The following GOLM2 variants were observed in gnomAD, a reference collection of about 807,000 sequenced individuals.
GOLM2 encodes the protein golgi membrane protein 2.
Under a neutral mutation model 55.9 loss-of-function variants are expected in GOLM2, and 26 were observed. That is an observed-to-expected ratio of 0.47 (90% CI 0.34 to 0.65). The LOEUF is 0.65. Among genes scored for constraint, GOLM2 ranks in the 30% least tolerant of loss-of-function variants. GOLM2 has a pLI of 0.01. For missense variants in GOLM2, 486 were observed against 531.8 expected (o/e 0.91, Z 0.85); for synonymous variants, 165 against 194.6 (o/e 0.85, Z 1.27).
chr15:44,360,527 G>A (rs1196213949), intron 6 of GOLM2, among the ~76,000 whole-genome samples: 19 of 152,084 alleles, frequency 1.2e-4, no homozygotes, highest in South Asian at 2.1e-4. Context: ...TATGCACCCA[G>A]TACAGGAGCA....
Position 44,331,992 on chromosome 15 carries a change from C to T in GOLM2, c.490C>T (p.Gln164Ter), listed in dbSNP as rs2079025149. The T allele has an allele frequency of 1.3e-6, 2 of 1,597,908 alleles. No homozygotes were observed. The highest frequency in any genetic ancestry group is 1.7e-6 in the Non-Finnish European group (2 of 1,168,548). Residue 164 changes from glutamine (Q) to a stop codon, truncating the protein, a stop_gained, in exon 4 of 10, where the codon CAG (glutamine) becomes TAG (stop). Coordinates refer to ENST00000299957, the MANE Select transcript of GOLM2 (RefSeq NM_138423.4). LOFTEE classifies it high-confidence loss of function. Reference protein sequence around the residue: ...LVKRLEYESFQCGQQMKELRA... With the variant: ...LVKRLEYESF ...AAGAATGACTTTGTAATTTAGTTTT[C>T]AGTGTGGACAGCAGATGAAGGAATT...
chr15:44,305,513 C>T (rs932545259), intron 1 of GOLM2, among the ~76,000 whole-genome samples: 8 of 151,960 alleles, frequency 5.3e-5, no homozygotes, highest in African/African-American at 1.9e-4. Context: ...TGCCCAGGCC[C>T]GTCTTGAACT....
intron 3 of GOLM2, among the ~76,000 whole-genome samples, chr15:44,329,553 A>T (rs1039466751): frequency 6.6e-6 from 1 of 152,192 alleles, no homozygotes; most frequent in African/African-American, 2.4e-5. Context: ...AAACTTCTTT[A>T]GTCTCTTCCA....
chr15:44,314,092 C>T (rs2078892023), intron 1 of GOLM2, among the ~76,000 whole-genome samples: 1 of 151,640 alleles, frequency 6.6e-6, no homozygotes, highest in East Asian at 1.9e-4. Context: ...AAAAAATTAG[C>T]CGGGTGTTGT....
intron 1 of GOLM2, among the ~76,000 whole-genome samples, chr15:44,297,364 A>G (rs2078763388): frequency 1.3e-5 from 2 of 152,148 alleles, no homozygotes; most frequent in African/African-American, 2.4e-5. Flanking sequence ...AAGGTCTTCC[A>G]TAGAATGGCT....
chr15:44,319,578 G>T (rs1045081896), intron 1 of GOLM2, among the ~76,000 whole-genome samples: 3 of 151,744 alleles, frequency 2.0e-5, no homozygotes, highest in Admixed American at 6.6e-5. Context: ...TGTTTGTTTG[G>T]TTGGTTTTGT....
chr15:44,298,524 C>T (rs1419311560), intron 1 of GOLM2, among the ~76,000 whole-genome samples: 1 of 151,778 alleles, frequency 6.6e-6, no homozygotes, highest in Non-Finnish European at 1.5e-5. Context: ...GATCCACCCA[C>T]CTGGGCCTCC....
intron 6 of GOLM2, among the ~76,000 whole-genome samples, chr15:44,339,388 G>C (rs2141147755): frequency 6.6e-6 from 1 of 152,152 alleles, no homozygotes; most frequent in East Asian, 1.9e-4. Context: ...GCCCAGGCTG[G>C]AGTGCGGTGG....
chr15:44,347,056 C>T (rs1048862850), intron 6 of GOLM2, among the ~76,000 whole-genome samples: 3 of 151,816 alleles, frequency 2.0e-5, no homozygotes, highest in African/African-American at 7.3e-5. Context: ...CCCAGGAGTT[C>T]GAGATTGCAG....
In GOLM2 at chr15:44,395,461, C is replaced by T. The variant is rs143585048; in HGVS notation, c.1073-7426C>T. Among the ~76,000 whole-genome samples the T allele has an allele frequency of 2.2e-3, 336 of 151,726 alleles. 2 individuals carry two copies. The highest frequency in any genetic ancestry group is 4.1e-3 in the Non-Finnish European group (278 of 67,938). ...CCTAGTTTTTCTTGATTGAAATACC[C>T]TCTTGTGATTAAGAAATGTTATTCT... On this transcript the variant is annotated intron_variant, in intron 8 of 9. Coordinates refer to ENST00000299957, the MANE Select transcript of GOLM2 (RefSeq NM_138423.4).
At chr15:44,367,521 C>T (rs1046876630) in intron 6 of GOLM2, among the ~76,000 whole-genome samples, 14 of 151,880 alleles carry the variant, frequency 9.2e-5, no homozygotes, top group African/African-American at 3.1e-4. Flanking sequence ...TCCGGCGGGG[C>T]GCAGTGGCTC....
chr15:44,326,910 C>G (rs915703773), intron 2 of GOLM2, among the ~76,000 whole-genome samples: 3 of 151,004 alleles, frequency 2.0e-5, no homozygotes, highest in South Asian at 4.2e-4. Context: ...TCTCGGCCCC[C>G]CAAAGTGCTG....
chr15:44,369,256 G>A (rs1307904602), intron 6 of GOLM2, among the ~76,000 whole-genome samples: 1 of 142,962 alleles, frequency 7.0e-6, no homozygotes, highest in Admixed American at 7.2e-5. Flanking sequence ...GTATATATAT[G>A]TATATATGTA....
At chr15:44,383,500 G>A (rs370232457) in intron 8 of GOLM2, among the ~76,000 whole-genome samples, 7 of 151,724 alleles carry the variant, frequency 4.6e-5, no homozygotes, top group African/African-American at 1.2e-4. Flanking sequence ...AGAATATAAC[G>A]TTTCCTTAAA....
At chr15:44,384,313 A>G (rs1308737119) in intron 8 of GOLM2, among the ~76,000 whole-genome samples, 2 of 152,086 alleles carry the variant, frequency 1.3e-5, no homozygotes, top group Admixed American at 6.6e-5. Context: ...TGGATATTTC[A>G]TATAAAAGGA....
At chr15:44,331,872 C>T in intron 3 of GOLM2, 116 bp from the exon 4 acceptor site, 2 of 677,204 alleles carry the variant, frequency 3.0e-6, no homozygotes, top group South Asian at 1.8e-5. Context: ...TTTTTCCAGC[C>T]CACTCTCCCC....
At position 44,328,804 on chromosome 15, in the gene GOLM2, A is replaced by G. The variant is rs375906908; in HGVS notation, c.485+17A>G. On this transcript the variant is annotated intron_variant, in intron 3 of 9. Coordinates refer to ENST00000299957, the MANE Select transcript of GOLM2 (RefSeq NM_138423.4). ...ATATGAAAGGTAAGATGTTACATGCAACATATGTTTATGAATCTAAAATAT... is the reference window on the plus strand; with the variant it reads ...ATATGAAAGGTAAGATGTTACATGCGACATATGTTTATGAATCTAAAATAT... 106 of 1,485,484 alleles carry G rather than the reference A, an allele frequency of 7.1e-5. No homozygotes were observed. The highest frequency in any genetic ancestry group is 1.8e-4 in the Middle Eastern group (1 of 5,678). 92.0% of individuals were successfully genotyped at this position (1,485,484 alleles called of 1,614,324 possible). A position where few individuals can be genotyped will look rare whatever the true frequency, so the allele number is the denominator to read the frequency against.
chr15:44,307,532 T>G (rs1002097382), intron 1 of GOLM2: 1 of 152,182 alleles, frequency 6.6e-6, no homozygotes, highest in African/African-American at 2.4e-5. Flanking sequence ...TAATTCTCAA[T>G]GGGCAGAATG....
Position 44,381,036 on chromosome 15 carries a change from AG to A in GOLM2, c.1072+62del, listed in dbSNP as rs2141194295. On this transcript the variant is annotated intron_variant, in intron 8 of 9. Transcript: ENST00000299957. ...ATTTCTTTAAATGTAATATGAATTA[AG>A]GTCTTCATTATTCTGCTCTCTAATA... The A allele has an allele frequency of 1.0e-5, 11 of 1,075,662 alleles. No homozygotes were observed. In the South Asian group the frequency reaches 2.5e-4, roughly 24 times the overall value. 66.6% of individuals were successfully genotyped at this position (1,075,662 alleles called of 1,614,324 possible).
Sources: gnomAD v4.1 joint callset for allele counts (sites outside exome capture counted in the v4.1 genomes callset) on GRCh38, gnomAD v4.1.1 for gene constraint, MANE v1.5 for transcripts, NCBI Gene and HGNC (gene_info 2026-07-23, HGNC 2026-07-21) for gene names.